ZBBX: variants seen among roughly 807,000 people sequenced by gnomAD.
The protein encoded by ZBBX is zinc finger B-box domain containing, also known as zinc finger B-box domain-containing protein 1.
A neutral mutation model predicts 108.5 loss-of-function variants in ZBBX; 101 were observed. The ratio of observed to expected loss-of-function variants is 0.93; its 90% confidence interval spans 0.79 to 1.10. ZBBX has a LOEUF of 1.10. Ranked by LOEUF, ZBBX falls within the 50% of genes least tolerant of loss-of-function variation. The pLI, the probability that ZBBX is intolerant of heterozygous loss-of-function variation, is 0.00. For synonymous variants in ZBBX, 356 were observed against 323.4 expected (o/e 1.10, Z -1.08); for missense variants, 1,009 against 941.4 (o/e 1.07, Z -0.94).
intron 12 of ZBBX, among the ~76,000 whole-genome samples, chr3:167,319,064 C>T (rs1455075251): frequency 6.6e-6 from 1 of 151,940 alleles, no homozygotes; most frequent in Non-Finnish European, 1.5e-5. Flanking sequence ...TAAAAATAAA[C>T]ATGCACTTAC....
At position 167,305,936 on chromosome 3, in the gene ZBBX, T is replaced by C. The variant is rs753607676; in HGVS notation, c.1432A>G (p.Thr478Ala). The change falls in exon 17 of 22, where the codon ACA becomes GCA. Residue 478 changes from threonine to alanine, a missense_variant. Transcript: ENST00000675490. ...KDNSKAETSN[T>A]DFDNIVDPDV... Reference sequence around the variant, plus strand: ...GGATCCACGATGTTGTCAAAATCTGTGTTTGAAGTTTCTGCTGTTAAAAAC... The same window carrying C: ...GGATCCACGATGTTGTCAAAATCTGCGTTTGAAGTTTCTGCTGTTAAAAAC... 3 of 1,544,956 alleles carry C rather than the reference T, an allele frequency of 1.9e-6. No individual in the cohort carries two copies. The highest frequency in any genetic ancestry group is 2.6e-5 in the South Asian group (2 of 78,344).
chr3:167,334,460 G>A (rs13089606), intron 9 of ZBBX, among the ~76,000 whole-genome samples: 53,202 of 151,798 alleles, frequency 0.35, 9,991 homozygotes, highest in Non-Finnish European at 0.43. Context: ...TGTAGTCTCC[G>A]CTACTCGGGA....
chr3:167,332,905 A>G (rs769783584), intron 10 of ZBBX, among the ~76,000 whole-genome samples: 43 of 152,278 alleles, frequency 2.8e-4, no homozygotes, highest in Middle Eastern at 3.4e-3. Context: ...ATAATTAAGA[A>G]AAGACAAAAG....
At chr3:167,351,363 A>G (rs1343369610) in intron 8 of ZBBX, among the ~76,000 whole-genome samples, 2 of 152,174 alleles carry the variant, frequency 1.3e-5, no homozygotes, top group Admixed American at 6.5e-5. Context: ...GTGCCTTTCT[A>G]TAGACAGGAG....
Position 167,317,439 on chromosome 3 carries a change from T to G in ZBBX, c.1093+49A>C, listed in dbSNP as rs199894570. Reference sequence around the variant, plus strand: ...GATTCTGATTAATGCTTAGTGTATATAACTTGAGACAATACATTTTAAAAA... The same window carrying G: ...GATTCTGATTAATGCTTAGTGTATAGAACTTGAGACAATACATTTTAAAAA... On this transcript the variant is annotated intron_variant, in intron 13 of 21. Coordinates refer to ENST00000675490, the MANE Select transcript of ZBBX (RefSeq NM_001199201.2). 5.0e-4 allele frequency: 700 copies of G among 1,406,362 alleles called. 7 individuals carry two copies. In the East Asian group the frequency reaches 0.016, roughly 32 times the overall value. 87.1% of individuals were successfully genotyped at this position (1,406,362 alleles called of 1,614,324 possible). A position where few individuals can be genotyped will look rare whatever the true frequency, so the allele number is the denominator to read the frequency against.
the ZBBX span, among the ~76,000 whole-genome samples, chr3:167,223,733 T>C: frequency 6.6e-6 from 1 of 151,988 alleles, no homozygotes; most frequent in African/African-American, 2.4e-5. Context: ...CATTATTTTA[T>C]GTTTTTTCTG....
At chr3:167,215,623 T>C in the ZBBX span, among the ~76,000 whole-genome samples, 2 of 152,068 alleles carry the variant, frequency 1.3e-5, no homozygotes, top group African/African-American at 4.8e-5. Context: ...TCCCCAACTC[T>C]TTCTGTGAGG....
chr3:167,407,381 G>T (rs1489226432), intron 1 of ZBBX, among the ~76,000 whole-genome samples: 4 of 151,996 alleles, frequency 2.6e-5, no homozygotes, highest in African/African-American at 9.7e-5. Context: ...ACAAAAATAG[G>T]TACAATACTG....
chr3:167,275,695 C>CT (rs1332928814), intron 20 of ZBBX, among the ~76,000 whole-genome samples: 10 of 151,992 alleles, frequency 6.6e-5, no homozygotes, highest in African/African-American at 2.2e-4. Context: ...GGCAGCGAGG[C>CT]TGGGGGAGGG....
At chr3:167,407,250 AAT>A (rs1748613934) in intron 1 of ZBBX, among the ~76,000 whole-genome samples, 1 of 152,234 alleles carries the variant, frequency 6.6e-6, no homozygotes, top group Non-Finnish European at 1.5e-5. Flanking sequence ...AACAGCATAA[AAT>A]ATCTCAAGTG....
At chr3:167,186,640 G>T in the ZBBX span, among the ~76,000 whole-genome samples, 1 of 152,080 alleles carries the variant, frequency 6.6e-6, no homozygotes, top group African/African-American at 2.4e-5. Context: ...GAGAAGCACA[G>T]ATTCAAAATA....
downstream of ZBBX, among the ~76,000 whole-genome samples, chr3:167,238,351 A>G (rs1036870904): frequency 6.6e-6 from 1 of 152,038 alleles, no homozygotes; most frequent in Non-Finnish European, 1.5e-5. Context: ...TCTTTTAAAA[A>G]TTATATCTTT....
At chr3:167,387,042 C>T (rs548657048) in intron 1 of ZBBX, among the ~76,000 whole-genome samples, 52 of 151,964 alleles carry the variant, frequency 3.4e-4, no homozygotes, top group Non-Finnish European at 6.6e-4. Context: ...AAAGATTTGT[C>T]ACAACTTTGT....
chr3:167,340,207 G>A (rs1019310206), intron 9 of ZBBX, among the ~76,000 whole-genome samples: 3 of 151,868 alleles, frequency 2.0e-5, no homozygotes, highest in Non-Finnish European at 4.4e-5. Flanking sequence ...TAACAAATTA[G>A]ACTAAATCTC....
intron 6 of ZBBX, among the ~76,000 whole-genome samples, chr3:167,361,440 T>C (rs1026184332): frequency 6.6e-6 from 1 of 152,148 alleles, no homozygotes; most frequent in Non-Finnish European, 1.5e-5. Context: ...TGTGCATTTA[T>C]ATAGATACTG....
intron 9 of ZBBX, among the ~76,000 whole-genome samples, chr3:167,338,676 T>C (rs1739994489): frequency 6.6e-6 from 1 of 152,166 alleles, no homozygotes; most frequent in African/African-American, 2.4e-5. Flanking sequence ...AAGAGATTTA[T>C]TGTAACCACA....
At chr3:167,271,520 C>A (rs771111771) in intron 20 of ZBBX, among the ~76,000 whole-genome samples, 4 of 152,082 alleles carry the variant, frequency 2.6e-5, no homozygotes, top group Non-Finnish European at 5.9e-5. Flanking sequence ...TGGGTATTAC[C>A]AGACCAAAGG....
intron 21 of ZBBX, 121 bp from the exon 22 acceptor site, chr3:167,241,040 G>T: frequency 9.7e-7 from 1 of 1,031,062 alleles, no homozygotes; most frequent in Non-Finnish European, 1.4e-6. Flanking sequence ...TGAGGGAGCT[G>T]TATCAGACTG....
intron 18 of ZBBX, among the ~76,000 whole-genome samples, chr3:167,297,865 C>T (rs1359081039): frequency 1.3e-5 from 2 of 151,796 alleles, no homozygotes; most frequent in Non-Finnish European, 2.9e-5. Context: ...GATGACTATT[C>T]TCCCCCCGAC....
Sources: allele counts gnomAD v4.1 joint callset (sites outside exome capture counted in the v4.1 genomes callset), GRCh38; gene constraint gnomAD v4.1.1; transcripts MANE v1.5; gene names NCBI Gene and HGNC (gene_info 2026-07-23, HGNC 2026-07-21).